CDH2: variants seen among roughly 807,000 people sequenced by gnomAD.
The protein encoded by CDH2 is cadherin 2.
In CDH2, 17 loss-of-function variants were observed where a neutral mutation model predicts 92.0. The ratio of observed to expected loss-of-function variants is 0.18; its 90% CI spans 0.13 to 0.28. CDH2 has a LOEUF of 0.28. Among genes scored for constraint, CDH2 ranks in the 10% least tolerant of loss-of-function variants. The probability of loss-of-function intolerance (pLI) is 1.00; values close to 1 mark genes in which losing one functional copy is unlikely to be tolerated. For missense variants in CDH2, 862 were observed against 1,133.1 expected (o/e 0.76, Z 3.44); for synonymous variants, 419 against 415.9 (o/e 1.01, Z -0.09).
At chr18:27,949,139 GAAAA>G (rs1378578783), downstream of CDH2, among the ~76,000 whole-genome samples, 1 of 151,874 alleles carries the variant, frequency 6.6e-6, no homozygotes, top group Non-Finnish European at 1.5e-5. Flanking sequence ...AACTTCCAAA[GAAAA>G]AAGAAGGCGG....
chr18:28,019,957 G>A (rs1046313018), intron 2 of CDH2, among the ~76,000 whole-genome samples: 4 of 152,108 alleles, frequency 2.6e-5, no homozygotes, highest in Non-Finnish European at 2.9e-5. Context: ...TGGTTTTGGA[G>A]CAATCCATGT....
chr18:28,138,381 T>C (rs1202928741), intron 2 of CDH2, among the ~76,000 whole-genome samples: 2 of 152,068 alleles, frequency 1.3e-5, no homozygotes, highest in African/African-American at 4.8e-5. Context: ...CCATAAATAA[T>C]GCCAAATCCA....
intron 1 of CDH2, among the ~76,000 whole-genome samples, chr18:28,175,424 G>GC (rs1325644445): frequency 3.3e-5 from 5 of 152,344 alleles, no homozygotes; most frequent in African/African-American, 1.2e-4. Flanking sequence ...GGGAGGCAGG[G>GC]GTGGGGAGAG....
At chr18:28,128,652 C>T (rs1001128339) in intron 2 of CDH2, among the ~76,000 whole-genome samples, 2 of 151,614 alleles carry the variant, frequency 1.3e-5, no homozygotes, top group Non-Finnish European at 2.9e-5. Context: ...TGCCATTGCA[C>T]TCCAGCCTGG....
intron 2 of CDH2, among the ~76,000 whole-genome samples, chr18:28,097,490 A>G (rs189955885): frequency 6.6e-6 from 1 of 152,312 alleles, no homozygotes; most frequent in African/African-American, 2.4e-5. Context: ...CCATTTCTAA[A>G]GTACAGTTGA....
At chr18:28,006,052 ACAT>A (rs2012907226) in intron 5 of CDH2, 59 bp from the exon 6 acceptor site, 1 of 1,334,440 alleles carries the variant, frequency 7.5e-7, no homozygotes, top group East Asian at 2.3e-5. Context: ...GAAGATAAAT[ACAT>A]CATCATAAGG....
At chr18:28,080,545 C>T (rs549277417) in intron 2 of CDH2, among the ~76,000 whole-genome samples, 1 of 152,132 alleles carries the variant, frequency 6.6e-6, no homozygotes, top group Admixed American at 6.5e-5. Context: ...TTAAAAAAAC[C>T]TGGAAACCTT....
chr18:27,963,885 G>A (rs1396677896), intron 14 of CDH2, among the ~76,000 whole-genome samples: 1 of 151,918 alleles, frequency 6.6e-6, no homozygotes, highest in Non-Finnish European at 1.5e-5. Flanking sequence ...TTTTTAAAAC[G>A]AGGGTGGTTA....
Position 28,073,615 on chromosome 18 carries a change from C to T in CDH2, c.173-59706G>A, listed in dbSNP as rs17535880. Among the ~76,000 whole-genome samples, 835 of 152,260 alleles carry T rather than the reference C, an allele frequency of 5.5e-3. 11 individuals carry two copies. The highest frequency in any genetic ancestry group is 0.019 in the African/African-American group (809 of 41,562). On this transcript the variant is annotated intron_variant, in intron 2 of 15. Transcript: ENST00000269141. ...TACTAAAGGCAGATGATAGAATCTA[C>T]TCTGCTGAGATTATTGTAAAGATGA...
intron 2 of CDH2, among the ~76,000 whole-genome samples, chr18:28,116,083 G>A (rs895880392): frequency 6.6e-6 from 1 of 152,118 alleles, no homozygotes; most frequent in African/African-American, 2.4e-5. Flanking sequence ...ATTCTAATGG[G>A]TAGAGGTCAG....
At chr18:28,157,774 A>G (rs1598516225) in intron 1 of CDH2, among the ~76,000 whole-genome samples, 1 of 152,158 alleles carries the variant, frequency 6.6e-6, no homozygotes, top group South Asian at 2.1e-4. Flanking sequence ...GTTTCTGTTC[A>G]CTATGGAAAA....
intron 2 of CDH2, among the ~76,000 whole-genome samples, chr18:28,095,822 A>AAAAAAAAAAAAAAG (rs1555641273): frequency 1.4e-5 from 2 of 147,072 alleles, no homozygotes; most frequent in Admixed American, 6.8e-5. Flanking sequence ...AAAAAAAAAA[A>AAAAAAAAAAAAAAG]AAAGAAAGAA....
At chr18:27,956,447 C>T (rs1217572632) in intron 15 of CDH2, among the ~76,000 whole-genome samples, 1 of 152,110 alleles carries the variant, frequency 6.6e-6, no homozygotes, top group Non-Finnish European at 1.5e-5. Flanking sequence ...AGGATAAAAA[C>T]CCACATTATC....
chr18:28,105,344 T>C (rs2015303838), intron 2 of CDH2, among the ~76,000 whole-genome samples: 1 of 152,136 alleles, frequency 6.6e-6, no homozygotes, highest in African/African-American at 2.4e-5. Context: ...TTTAAAACAA[T>C]TCAGAAATAG....
intron 2 of CDH2, among the ~76,000 whole-genome samples, chr18:28,040,323 T>C (rs1241538008): frequency 6.6e-6 from 1 of 152,200 alleles, no homozygotes. Flanking sequence ...ACTGCCTTCA[T>C]ATAAGCAGAA....
chr18:28,070,878 G>A (rs944240512), intron 2 of CDH2, among the ~76,000 whole-genome samples: 12 of 152,142 alleles, frequency 7.9e-5, no homozygotes, highest in African/African-American at 2.2e-4. Flanking sequence ...ATTACAATTC[G>A]ATTTTACTTA....
At chr18:27,969,369 T>C (rs923855041) in intron 14 of CDH2, among the ~76,000 whole-genome samples, 10 of 152,228 alleles carry the variant, frequency 6.6e-5, no homozygotes, top group African/African-American at 2.4e-4. Context: ...CAGTCATTGT[T>C]TCTGCCCCTG....
chr18:27,942,051 T>C (rs950404373), intron 6 of CDH2, among the ~76,000 whole-genome samples: 2 of 152,198 alleles, frequency 1.3e-5, no homozygotes, highest in East Asian at 3.8e-4. Context: ...CTTTTAATAA[T>C]GGTAAAAAGT....
intron 2 of CDH2, among the ~76,000 whole-genome samples, chr18:28,019,681 T>C (rs1356083230): frequency 6.6e-6 from 1 of 152,160 alleles, no homozygotes; most frequent in African/African-American, 2.4e-5. Context: ...GGTTTTTCTA[T>C]CACCTCTGCC....
Sources: allele counts gnomAD v4.1 joint callset (sites outside exome capture counted in the v4.1 genomes callset), GRCh38; gene constraint gnomAD v4.1.1; transcripts MANE v1.5; gene names NCBI Gene and HGNC (gene_info 2026-07-23, HGNC 2026-07-21).